Variants in TOR1AIP1 observed in about 807,000 individuals in gnomAD.
TOR1AIP1 encodes torsin-1A-interacting protein 1.
A neutral mutation model predicts 63.3 loss-of-function variants in TOR1AIP1; 54 were observed. The ratio of observed to expected loss-of-function variants is 0.85; its 90% CI spans 0.69 to 1.07. The LOEUF is 1.07. Ranked by LOEUF, TOR1AIP1 falls within the 50% of genes least tolerant of loss-of-function variation. TOR1AIP1 has a pLI of 0.00. For synonymous variants in TOR1AIP1, 294 were observed against 273.5 expected, an observed-to-expected ratio of 1.07 and a Z score of -0.74; for missense variants, 736 against 715.0, an observed-to-expected ratio of 1.03 and a Z score of -0.33.
chr1:179,889,652 C>CTTTTTTTTT (rs10711211), intron 3 of TOR1AIP1, among the ~76,000 whole-genome samples: 2 of 144,894 alleles, frequency 1.4e-5, no homozygotes. Context: ...TCATTTCTGT[C>CTTTTTTTTT]TTTTTTTTTT....
Position 179,908,669 on chromosome 1 carries a change from G to A in TOR1AIP1, c.903G>A (p.Met301Ile), listed in dbSNP as rs777857210. ...AAACTGCAAGAATAAGGACCAGGAT[G>A]CAAAGTAAGTAGATAAATCTCTGTT... ...APQTARIRTRMQNDSILKSEL... is the reference protein window; with the variant it reads ...APQTARIRTRIQNDSILKSEL... The change falls in exon 8 of 10, where the codon ATG becomes ATA. Residue 301 changes from methionine to isoleucine, a missense_variant. By Grantham distance (10) the Met-to-Ile change is conservative. Around this residue, in one of 2 missense-constraint regions of TOR1AIP1, gnomAD observed 272 missense variants for 344.1 expected, o/e 0.79. Transcript: ENST00000606911. The A allele has an allele frequency of 6.2e-7, 1 of 1,612,748 alleles. No individual in the cohort carries two copies. The highest frequency in any genetic ancestry group is 1.7e-5 in the Admixed American group (1 of 59,944).
At chr1:179,902,414 ATCTC>A (rs1476611188) in intron 5 of TOR1AIP1, among the ~76,000 whole-genome samples, 3 of 147,714 alleles carry the variant, frequency 2.0e-5, no homozygotes, top group African/African-American at 5.0e-5. Flanking sequence ...TTGAGACAGG[ATCTC>A]TCTCTGTCAC....
intron 6 of TOR1AIP1, among the ~76,000 whole-genome samples, chr1:179,907,593 TTATATATATATATATATATATATATG>T (rs1258429498): frequency 3.2e-5 from 2 of 63,268 alleles, no homozygotes; most frequent in Non-Finnish European, 6.6e-5. Context: ...CACACACACT[TTATATATATATATATATATATATATG>T]TATATATATG....
chr1:179,907,222 T>TTTGAGA (rs1435512830), intron 6 of TOR1AIP1, among the ~76,000 whole-genome samples: 2 of 149,470 alleles, frequency 1.3e-5, no homozygotes, highest in Non-Finnish European at 3.0e-5. Context: ...TGGTCAGGAG[T>TTTGAGA]TTGAGACCAG....
intron 9 of TOR1AIP1, among the ~76,000 whole-genome samples, chr1:179,916,710 T>TTC (rs1456428952): frequency 7.1e-6 from 1 of 141,088 alleles, no homozygotes; most frequent in Non-Finnish European, 1.5e-5. Flanking sequence ...CTTTTTTTTT[T>TTC]TTTTTTTTTT....
intron 3 of TOR1AIP1, among the ~76,000 whole-genome samples, chr1:179,890,034 T>A (rs953147413): frequency 4.6e-5 from 7 of 152,220 alleles, no homozygotes; most frequent in Non-Finnish European, 7.3e-5. Flanking sequence ...CTTCCTTTTT[T>A]AAAGAGATTG....
intron 4 of TOR1AIP1, 120 bp downstream of exon 4, chr1:179,900,287 A>G (rs1648409180): frequency 1.6e-6 from 1 of 618,176 alleles, no homozygotes; most frequent in Non-Finnish European, 2.8e-6. Flanking sequence ...ACATGCCTGT[A>G]GTCTCAGCTA....
chr1:179,917,353 C>G (rs1649052711), intron 9 of TOR1AIP1, 99 bp from the exon 10 acceptor site: 3 of 988,670 alleles, frequency 3.0e-6, no homozygotes, highest in Non-Finnish European at 4.5e-6. Flanking sequence ...TCCTCTTTTA[C>G]CTAATGTTTA....
intron 9 of TOR1AIP1, 49 bp downstream of exon 9, chr1:179,914,103 T>A: frequency 6.5e-7 from 1 of 1,532,884 alleles, no homozygotes; most frequent in Non-Finnish European, 9.0e-7. Flanking sequence ...AAAATTGGTA[T>A]TCCATAATTG....
intron 2 of TOR1AIP1, among the ~76,000 whole-genome samples, chr1:179,888,234 G>A (rs1320964296): frequency 6.6e-6 from 1 of 152,152 alleles, no homozygotes; most frequent in Non-Finnish European, 1.5e-5. Context: ...TGTAATATGT[G>A]GAGTAACAGG....
intron 4 of TOR1AIP1, among the ~76,000 whole-genome samples, chr1:179,900,746 A>G (rs1236103500): frequency 6.6e-6 from 1 of 152,222 alleles, no homozygotes; most frequent in African/African-American, 2.4e-5. Context: ...AGCAAAGATA[A>G]TATTTTCTAT....
intron 6 of TOR1AIP1, among the ~76,000 whole-genome samples, chr1:179,907,451 T>C (rs1571734405): frequency 6.7e-6 from 1 of 148,704 alleles, no homozygotes; most frequent in Non-Finnish European, 1.5e-5. Flanking sequence ...AAAAAAAGAA[T>C]TAAACAAAAT....
intron 2 of TOR1AIP1, among the ~76,000 whole-genome samples, chr1:179,885,401 A>G (rs529628215): frequency 2.1e-4 from 32 of 152,362 alleles, no homozygotes; most frequent in African/African-American, 7.7e-4. Flanking sequence ...TCAATGTAAC[A>G]TGGAAGTAGG....
rs1290162226 is a variant in TOR1AIP1, at chr1:179,903,005, C to G, written c.740-961C>G. 2.2e-5 allele frequency among the ~76,000 whole-genome samples: 3 copies of G among 135,966 alleles called. No homozygotes were observed. The East Asian group carries it at 6.3e-4, about 28-fold the overall frequency. The allele number at this position is 135,966 out of a possible 152,430, so 89.2% of individuals were successfully genotyped here. On this transcript the variant is annotated intron_variant, in intron 5 of 9. Transcript: ENST00000606911. ...TGGGCAACAGAGCGAGACTCCATCT[C>G]AAAAAAAAAAAAAATATGGGCACTT...
chr1:179,901,338 G>A lies in TOR1AIP1; in HGVS notation c.689G>A (p.Ser230Asn). 6.2e-6 allele frequency: 10 copies of A among 1,611,040 alleles called. No individual in the cohort carries two copies. The highest frequency in any genetic ancestry group is 8.5e-6 in the Non-Finnish European group (10 of 1,178,262). The change falls in exon 5 of 10, where the codon AGC (serine) becomes AAC (asparagine). Residue 230 changes from serine to asparagine, a missense_variant. Physicochemically the swap from Ser to Asn is conservative, Grantham distance 46. This residue lies in a region of TOR1AIP1 where 464 missense variants were observed against 371.0 expected (regional missense o/e 1.25). Transcript: ENST00000606911. ...TEEDDQDSSH[S>N]SVTTVKARSR... The stretch of plus-strand genomic sequence containing the variant: ...GAAGATGATCAAGACAGCTCTCACA[G>A]CAGTGTCACTACTGTTAAGGCCAGA...
chr1:179,882,445 G>A lies in TOR1AIP1; in HGVS notation c.-58G>A. On this transcript the variant is annotated 5_prime_UTR_variant, in exon 1 of 10. Transcript: ENST00000606911. The stretch of plus-strand genomic sequence containing the variant: ...CGAGAAGCCATCGCCACCACCGGCA[G>A]GAGAACCTAGGGTCCATAAAGCCAT... The A allele has an allele frequency of 2.2e-6, 3 of 1,344,934 alleles. No individual in the cohort carries two copies. The highest frequency in any genetic ancestry group is 2.9e-6 in the Non-Finnish European group (3 of 1,040,772). 83.3% of individuals were successfully genotyped at this position (1,344,934 alleles called of 1,614,324 possible). A position where few individuals can be genotyped will look rare whatever the true frequency, so the allele number is the denominator to read the frequency against.
chr1:179,893,080 A>C (rs1044916359), intron 3 of TOR1AIP1, among the ~76,000 whole-genome samples: 1 of 152,026 alleles, frequency 6.6e-6, no homozygotes, highest in Non-Finnish European at 1.5e-5. Context: ...GTCTCTACTA[A>C]AAATACAAAA....
rs1283793684 is a variant in TOR1AIP1, at chr1:179,882,661, C to A, written c.159C>A (p.Gly53=). The A allele has an allele frequency of 6.3e-7, 1 of 1,586,488 alleles. No individual in the cohort carries two copies. Among genetic ancestry groups the A allele is most frequent in the Admixed American group, 1.8e-5 (1 of 56,182 alleles). The change falls in exon 1 of 10, where the codon GGC becomes GGA. Residue 53 remains glycine, a synonymous_variant. Transcript: ENST00000606911. ...PAYRTPPSRQ[G]RREVRFSDEP... ...ACAGAACTCCTCCGTCGCGCCAGGG[C>A]CGGCGGGAAGTGAGGTTCTCGGACG...
Position 179,917,769 on chromosome 1 carries a change from C to G in TOR1AIP1, c.1282C>G (p.Gln428Glu), listed in dbSNP as rs772076024. ...AEEALRCLSE[Q>E]IADAYSSFRS... The stretch of plus-strand genomic sequence containing the variant: ...AGAAGCACTTAGGTGTCTGAGTGAA[C>G]AAATTGCTGATGCCTATTCTTCTTT... The change falls in exon 10 of 10, where the codon CAA (glutamine) becomes GAA (glutamate). Residue 428 changes from glutamine to glutamate, a missense_variant. Coordinates refer to ENST00000606911, the MANE Select transcript of TOR1AIP1 (RefSeq NM_015602.4). 3 of 1,614,178 alleles carry G rather than the reference C, an allele frequency of 1.9e-6. No individual in the cohort carries two copies. In the East Asian group the frequency reaches 6.7e-5, roughly 36 times the overall value.
Sources: gnomAD v4.1 joint callset for allele counts (sites outside exome capture counted in the v4.1 genomes callset) on GRCh38, gnomAD v4.1.1 for gene constraint, gnomAD v4.1.1 regional missense constraint, MANE v1.5 for transcripts, NCBI Gene and HGNC (gene_info 2026-07-23, HGNC 2026-07-21) for gene names.